OR2T11: variants seen among roughly 807,000 people sequenced by gnomAD.
OR2T11 encodes olfactory receptor 2T11.
In OR2T11, 14 loss-of-function variants were observed where a neutral mutation model predicts 13.5. The observed-to-expected ratio is 1.04, with a 90% confidence interval of 0.69 to 1.62. The LOEUF (loss-of-function observed/expected upper bound fraction) is 1.62. OR2T11 is among the 40% of genes most tolerant of loss of function. The pLI is 0.00. For missense variants in OR2T11, 410 were observed against 389.7 expected (o/e 1.05, Z -0.44); for synonymous variants, 163 against 154.6 (o/e 1.05, Z -0.40).
At position 248,626,754 on chromosome 1, in the gene OR2T11, G is replaced by A; in HGVS notation, c.375C>T (p.Asn125=). 1 of 1,572,588 alleles carries A rather than the reference G, an allele frequency of 6.4e-7. No homozygotes were observed. Among genetic ancestry groups the A allele is most frequent in the South Asian group, 1.1e-5 (1 of 88,914 alleles). The change falls in exon 2 of 2, where the codon AAC becomes AAT. Residue 125 remains asparagine, a synonymous_variant. Coordinates refer to ENST00000641193, the MANE Select transcript of OR2T11 (RefSeq NM_001001964.2). ...MAYDCYVAVC[N]PLRYPVLMNR... ...TCATCAGGACTGGGTATCTCAGAGG[G>A]TTACAGACAGCCACGTAGCAGTCAT...
intron 1 of OR2T11, among the ~76,000 whole-genome samples, chr1:248,634,771 G>GA (rs1660663196): frequency 7.0e-6 from 1 of 142,848 alleles, no homozygotes; most frequent in African/African-American, 2.8e-5. Flanking sequence ...TGACAGGGAT[G>GA]TTCTGTCACT....
Position 248,627,023 on chromosome 1 carries a change from C to T in OR2T11, c.106G>A (p.Val36Met), listed in dbSNP as rs575693160. ...TVILAVFLGA[V>M]TANLVMIFLI... ...AATATCATGACCAAATTTGCAGTCA[C>T]GGCCCCCAAGAAAACAGCAAGGATC... The change falls in exon 2 of 2, where the codon GTG (valine) becomes ATG (methionine). Residue 36 changes from valine (V) to methionine (M), a missense_variant. By Grantham distance (21) the Val-to-Met change is conservative. Coordinates refer to ENST00000641193, the MANE Select transcript of OR2T11 (RefSeq NM_001001964.2). 1.0e-5 allele frequency: 16 copies of T among 1,569,414 alleles called. 1 individual carries two copies. The South Asian group carries it at 1.1e-4, about 11-fold the overall frequency.
chr1:248,629,639 A>G (rs1214881892), intron 1 of OR2T11, among the ~76,000 whole-genome samples: 1 of 137,980 alleles, frequency 7.2e-6, no homozygotes, highest in East Asian at 2.1e-4. Flanking sequence ...GAAACCCTGC[A>G]GTTGTGCTTT....
chr1:248,634,154 G>A lies in OR2T11; in HGVS notation c.-145+884C>T, dbSNP rs1446717029. On this transcript the variant is annotated intron_variant, in intron 1 of 1. Transcript: ENST00000641193. ...TTTAGAAGGTACTAAGCCTTCTAAAGTGAAAGTTTTCATTCGTTTATTACA... is the reference window on the plus strand; with the variant it reads ...TTTAGAAGGTACTAAGCCTTCTAAAATGAAAGTTTTCATTCGTTTATTACA... Among the ~76,000 whole-genome samples, 24 of 142,560 alleles carry A rather than the reference G, an allele frequency of 1.7e-4. 3 individuals are homozygous for A. The highest frequency in any genetic ancestry group is 3.2e-4 in the Non-Finnish European group (21 of 66,196). The allele number at this position is 142,560 out of a possible 152,430, so 93.5% of individuals were successfully genotyped here.
intron 1 of OR2T11, among the ~76,000 whole-genome samples, chr1:248,633,268 G>C (rs1423654838): frequency 7.2e-6 from 1 of 139,762 alleles, no homozygotes; most frequent in Non-Finnish European, 1.5e-5. Context: ...TGGAATGTGA[G>C]GTGATCTATG....
intron 1 of OR2T11, among the ~76,000 whole-genome samples, chr1:248,631,798 CCACT>C (rs1237322958): frequency 1.4e-5 from 2 of 142,852 alleles, no homozygotes; most frequent in African/African-American, 2.8e-5. Flanking sequence ...CTTACAAATG[CCACT>C]CACACACGTC....
chr1:248,627,535 G>C (rs1255463542), intron 1 of OR2T11, among the ~76,000 whole-genome samples: 1 of 143,430 alleles, frequency 7.0e-6, no homozygotes, highest in African/African-American at 2.7e-5. Context: ...GGAAAAAAGG[G>C]TGATTCATTG....
chr1:248,628,198 G>A (rs1422050700), intron 1 of OR2T11, among the ~76,000 whole-genome samples: 2 of 143,352 alleles, frequency 1.4e-5, no homozygotes, highest in African/African-American at 5.5e-5. Context: ...CAGATACATG[G>A]AAATGTGACA....
intron 1 of OR2T11, among the ~76,000 whole-genome samples, chr1:248,630,315 T>C (rs1271770518): frequency 7.0e-6 from 1 of 143,506 alleles, no homozygotes; most frequent in Non-Finnish European, 1.5e-5. Context: ...GTTTCTAAGA[T>C]CAGACAGCAA....
chr1:248,630,981 A>C (rs1458188074), intron 1 of OR2T11, among the ~76,000 whole-genome samples: 2 of 143,026 alleles, frequency 1.4e-5, no homozygotes, highest in Non-Finnish European at 3.0e-5. Flanking sequence ...GGAGGGACTC[A>C]GTCGGTCTCC....
At position 248,627,797 on chromosome 1, in the gene OR2T11, C is replaced by T. The variant is rs1044730369; in HGVS notation, c.-144-525G>A. 9.8e-5 allele frequency among the ~76,000 whole-genome samples: 14 copies of T among 142,570 alleles called. 2 individuals are homozygous for T. Among genetic ancestry groups the T allele is most frequent in the African/African-American group, 2.2e-4 (8 of 36,006 alleles). The allele number at this position is 142,570 out of a possible 152,430, so 93.5% of individuals were successfully genotyped here. ...ATTACTAATTTCTCACCCCTCGCTC[C>T]GCTTTCACCCCCTACTCTTCCAAGC... is the stretch of plus-strand genomic sequence containing the variant. On this transcript the variant is annotated intron_variant, in intron 1 of 1. Coordinates refer to ENST00000641193, the MANE Select transcript of OR2T11 (RefSeq NM_001001964.2).
Position 248,626,058 on chromosome 1 carries a change from G to A in OR2T11, c.*120C>T. The stretch of plus-strand genomic sequence containing the variant: ...CTCCCGAGGAGCAAGAATCCAGACA[G>A]GGTGAATCATCTTAACTGCCAGTAG... On this transcript the variant is annotated 3_prime_UTR_variant, in exon 2 of 2. Transcript: ENST00000641193. 1.3e-5 allele frequency: 8 copies of A among 611,832 alleles called. 2 individuals carry two copies. Among genetic ancestry groups the A allele is most frequent in the Non-Finnish European group, 2.3e-5 (8 of 344,680 alleles). The allele number at this position is 611,832 out of a possible 1,614,324, so 37.9% of individuals were successfully genotyped here.
In OR2T11 at chr1:248,633,568, A is replaced by T. The variant is rs544484332; in HGVS notation, c.-145+1470T>A. 7.9e-5 allele frequency among the ~76,000 whole-genome samples: 11 copies of T among 139,096 alleles called. 1 individual carries two copies. The highest frequency in any genetic ancestry group is 2.3e-4 in the South Asian group (1 of 4,342). The allele number at this position is 139,096 out of a possible 152,430, so 91.3% of individuals were successfully genotyped here. ...TAGTTTCCCCAGTTTATACAGGGAG[A>T]CAGAAAAGCAGTTCTCTTCATTAAA... On this transcript the variant is annotated intron_variant, in intron 1 of 1. Transcript: ENST00000641193.
rs35147520 is a variant in OR2T11, at chr1:248,627,526, G to GA, written c.-144-255dup. 8.4e-5 allele frequency among the ~76,000 whole-genome samples: 12 copies of GA among 143,002 alleles called. 1 individual carries two copies. The highest frequency in any genetic ancestry group is 7.5e-4 in the Admixed American group (11 of 14,720). The allele number at this position is 143,002 out of a possible 152,430, so 93.8% of individuals were successfully genotyped here. On this transcript the variant is annotated intron_variant, in intron 1 of 1. Transcript: ENST00000641193. ...AGTAGGGTTAAGTAAATACTAGTTG[G>GA]AAAAAAGGGTGATTCATTGACCAAA...
Position 248,626,610 on chromosome 1 carries a change from A to G in OR2T11, c.519T>C (p.His173=), listed in dbSNP as rs1283533249. 1.9e-6 allele frequency: 3 copies of G among 1,573,402 alleles called. No homozygotes were observed. Among genetic ancestry groups the G allele is most frequent in the Non-Finnish European group, 2.6e-6 (3 of 1,156,914 alleles). ...VPYCGSRSIN[H]FFCEIPAVLK... is the part of the protein sequence containing the mutation. The stretch of plus-strand genomic sequence containing the variant: ...GAACTGCTGGGATCTCACAGAAAAA[A>G]TGGTTGATACTTCGGGAGCCACAGT... Residue 173 remains histidine (H), a synonymous_variant, in exon 2 of 2, where the codon CAT becomes CAC. Coordinates refer to ENST00000641193, the MANE Select transcript of OR2T11 (RefSeq NM_001001964.2).
In OR2T11 at chr1:248,628,575, C is replaced by T. The variant is rs551424691; in HGVS notation, c.-144-1303G>A. Among the ~76,000 whole-genome samples, 13 of 139,668 alleles carry T rather than the reference C, an allele frequency of 9.3e-5. 1 individual carries two copies. Among genetic ancestry groups the T allele is most frequent in the Non-Finnish European group, 2.0e-4 (13 of 65,258 alleles). 91.6% of individuals were successfully genotyped at this position (139,668 alleles called of 152,430 possible). A position where few individuals can be genotyped will look rare whatever the true frequency, so the allele number is the denominator to read the frequency against. On this transcript the variant is annotated intron_variant, in intron 1 of 1. Transcript: ENST00000641193. ...TGCAAGTTCATAATGTTCTTAACACCAAAAAAAAGGGTTCACTGTACATCT... is the reference window on the plus strand; with the variant it reads ...TGCAAGTTCATAATGTTCTTAACACTAAAAAAAAGGGTTCACTGTACATCT...
rs951877376 is a variant in OR2T11 at position 248,626,665 on chromosome 1, A to G, written c.464T>C (p.Leu155Pro). The G allele has an allele frequency of 1.9e-6, 3 of 1,573,002 alleles. No individual in the cohort carries two copies. The highest frequency in any genetic ancestry group is 2.6e-6 in the Non-Finnish European group (3 of 1,156,456). The change falls in exon 2 of 2, where the codon CTG becomes CCG. Residue 155 changes from leucine (L) to proline (P), a missense_variant. Leu to Pro is a moderately conservative substitution (Grantham distance 98). Coordinates refer to ENST00000641193, the MANE Select transcript of OR2T11 (RefSeq NM_001001964.2). The part of the protein sequence containing the change: ...AWFGGSLDGF[L>P]LTPITMNVPY... ...GACATTCATGGTGATGGGAGTGAGC[A>G]GAAAGCCATCGAGGGAGCCCCCAAA...
In OR2T11 at chr1:248,627,196, C is replaced by T. The variant is rs775836629; in HGVS notation, c.-68G>A. The T allele has an allele frequency of 3.3e-5, 31 of 930,674 alleles. 2 individuals carry two copies. Among genetic ancestry groups the T allele is most frequent in the Admixed American group, 1.8e-4 (9 of 50,026 alleles). 57.7% of individuals were successfully genotyped at this position (930,674 alleles called of 1,614,324 possible). A position where few individuals can be genotyped will look rare whatever the true frequency, so the allele number is the denominator to read the frequency against. On this transcript the variant is annotated 5_prime_UTR_variant, in exon 2 of 2. In the 5' UTR this introduces an upstream ATG that the reference lacks. Transcript: ENST00000641193. The stretch of plus-strand genomic sequence containing the variant: ...GGACCAGGAAGGAGGCAAGAGAACA[C>T]GGTCAAGATGGGAAAGGTCTGCAGT...
chr1:248,626,936 T>C lies in OR2T11; in HGVS notation c.193A>G (p.Ile65Val), dbSNP rs1273144363. 6 of 1,571,780 alleles carry C rather than the reference T, an allele frequency of 3.8e-6. 1 individual carries two copies. Among genetic ancestry groups the C allele is most frequent in the East Asian group, 2.3e-5 (1 of 43,628 alleles). ...GTACAGATGAAAAGGGTGTCCATGA[T>C]GGACAGCTGACTGAGCAGAAAGTAC... is the stretch of plus-strand genomic sequence containing the variant. ...PMYFLLSQLSIMDTLFICTTV... is the reference protein window; with the variant it reads ...PMYFLLSQLSVMDTLFICTTV... The change falls in exon 2 of 2, where the codon ATC becomes GTC. Residue 65 changes from isoleucine to valine, a missense_variant. Transcript: ENST00000641193.
Sources: allele counts gnomAD v4.1 joint callset (sites outside exome capture counted in the v4.1 genomes callset), GRCh38; gene constraint gnomAD v4.1.1; transcripts MANE v1.5; gene names NCBI Gene and HGNC (gene_info 2026-07-23, HGNC 2026-07-21).